The following FHIT variants were observed in gnomAD, a reference collection of about 807,000 sequenced individuals.
FHIT encodes fragile histidine triad diadenosine triphosphatase.
FHIT carries 19 observed loss-of-function variants against 17.9 expected under a neutral mutation model. The observed-to-expected ratio is 1.06, with a 90% CI of 0.74 to 1.56. The LOEUF (loss-of-function observed/expected upper bound fraction) is 1.56, where lower values mean the gene tolerates loss of function less well. Ranked by LOEUF, FHIT falls within the 40% of genes most tolerant of loss-of-function variation. FHIT has a pLI of 0.00. For missense variants in FHIT, 248 were observed against 189.2 expected (o/e 1.31, Z -1.82); for synonymous variants, 81 against 69.7 (o/e 1.16, Z -0.81).
At chr3:60,100,414 T>C (rs533935296) in intron 5 of FHIT, among the ~76,000 whole-genome samples, 3 of 152,240 alleles carry the variant, frequency 2.0e-5, no homozygotes, top group East Asian at 3.9e-4. Flanking sequence ...TTTGAAACCA[T>C]TAAATTCTTC....
intron 1 of FHIT, among the ~76,000 whole-genome samples, chr3:61,234,659 TA>T (rs1287067738): frequency 2.6e-5 from 4 of 152,346 alleles, no homozygotes; most frequent in South Asian, 4.1e-4. Flanking sequence ...AGTATTTCTA[TA>T]TTTTTTTAAA....
At chr3:59,879,986 G>A (rs113767131) in intron 8 of FHIT, among the ~76,000 whole-genome samples, 4 of 92,694 alleles carry the variant, frequency 4.3e-5, no homozygotes, top group Admixed American at 1.5e-4. Context: ...GAGAGAAGAG[G>A]AGAAGTCCAT....
intron 2 of FHIT, among the ~76,000 whole-genome samples, chr3:61,189,129 G>C (rs943557964): frequency 6.6e-6 from 1 of 152,200 alleles, no homozygotes; most frequent in African/African-American, 2.4e-5. Context: ...ATTAGGAAAA[G>C]AGGAAGTCAA....
chr3:60,881,091 G>T (rs1704954640), intron 3 of FHIT, among the ~76,000 whole-genome samples: 1 of 152,038 alleles, frequency 6.6e-6, no homozygotes, highest in Non-Finnish European at 1.5e-5. Flanking sequence ...TAAGAGCAAA[G>T]GAATAGAAAA....
chr3:60,510,329 A>C (rs1483855822), intron 5 of FHIT, among the ~76,000 whole-genome samples: 1 of 152,222 alleles, frequency 6.6e-6, no homozygotes, highest in Non-Finnish European at 1.5e-5. Flanking sequence ...AAGCCCAAAA[A>C]AGGCCAATTA....
chr3:60,377,262 G>A (rs957382131), intron 5 of FHIT, among the ~76,000 whole-genome samples: 12 of 150,346 alleles, frequency 8.0e-5, no homozygotes, highest in Admixed American at 2.7e-4. Flanking sequence ...GCAGTGGTGC[G>A]ATCTCGGCGA....
At chr3:60,581,713 G>A (rs2037754841) in intron 4 of FHIT, among the ~76,000 whole-genome samples, 1 of 151,916 alleles carries the variant, frequency 6.6e-6, no homozygotes, top group Non-Finnish European at 1.5e-5. Flanking sequence ...ATTTTTGACA[G>A]GTAAACTCAA....
intron 2 of FHIT, among the ~76,000 whole-genome samples, chr3:61,180,463 T>C (rs2038303809): frequency 6.6e-6 from 1 of 152,212 alleles, no homozygotes; most frequent in Non-Finnish European, 1.5e-5. Context: ...CAACGATAAA[T>C]TCAATAATAG....
chr3:60,253,489 T>C (rs1705830889), intron 5 of FHIT, among the ~76,000 whole-genome samples: 1 of 152,210 alleles, frequency 6.6e-6, no homozygotes, highest in South Asian at 2.1e-4. Context: ...CAAATGTCTA[T>C]AGATAGTCAA....
intron 5 of FHIT, among the ~76,000 whole-genome samples, chr3:60,470,811 T>A (rs1002105387): frequency 3.9e-5 from 6 of 152,172 alleles, no homozygotes; most frequent in Non-Finnish European, 7.4e-5. Context: ...CAGCTGGGAA[T>A]GTGCTGTTCA....
intron 1 of FHIT, among the ~76,000 whole-genome samples, chr3:61,239,116 A>G (rs1410685282): frequency 6.6e-6 from 1 of 152,178 alleles, no homozygotes; most frequent in Non-Finnish European, 1.5e-5. Flanking sequence ...GGGGAAAAAA[A>G]AAGTCTAGAA....
chr3:60,018,726 C>A (rs1341393407), intron 5 of FHIT, among the ~76,000 whole-genome samples: 1 of 152,160 alleles, frequency 6.6e-6, no homozygotes, highest in Non-Finnish European at 1.5e-5. Context: ...GCCTGTAATC[C>A]CAGCACTTTG....
intron 3 of FHIT, among the ~76,000 whole-genome samples, chr3:60,901,070 T>C (rs782366079): frequency 6.7e-5 from 10 of 149,184 alleles, no homozygotes; most frequent in Non-Finnish European, 1.2e-4. Context: ...ATTACCATGT[T>C]TGACATTCTC....
chr3:60,031,497 C>A (rs1477769549), intron 5 of FHIT, among the ~76,000 whole-genome samples: 1 of 152,160 alleles, frequency 6.6e-6, no homozygotes, highest in Non-Finnish European at 1.5e-5. Context: ...GATTCCAATT[C>A]CATTTTTGCC....
chr3:60,645,602 A>G (rs539069597), intron 4 of FHIT, among the ~76,000 whole-genome samples: 2 of 152,278 alleles, frequency 1.3e-5, no homozygotes, highest in South Asian at 4.1e-4. Flanking sequence ...TACAAAAGCC[A>G]TGGACCAGGA....
chr3:61,044,378 T>C (rs776570939), intron 2 of FHIT, among the ~76,000 whole-genome samples: 20 of 152,078 alleles, frequency 1.3e-4, no homozygotes, highest in Non-Finnish European at 2.6e-4. Flanking sequence ...GAAGAAAGGG[T>C]ATCACTGATT....
intron 3 of FHIT, among the ~76,000 whole-genome samples, chr3:60,944,286 C>T (rs1470400041): frequency 1.3e-5 from 2 of 151,972 alleles, no homozygotes; most frequent in African/African-American, 2.4e-5. Flanking sequence ...ATCTAAATGA[C>T]AACCTGATAA....
chr3:60,302,607 G>A (rs1708497501), intron 5 of FHIT, among the ~76,000 whole-genome samples: 1 of 152,096 alleles, frequency 6.6e-6, no homozygotes, highest in Admixed American at 6.6e-5. Context: ...ATTAGTATAA[G>A]CAACTACTTT....
intron 1 of FHIT, among the ~76,000 whole-genome samples, chr3:61,250,233 C>A (rs184794129): frequency 6.6e-6 from 1 of 152,346 alleles, no homozygotes; most frequent in African/African-American, 2.4e-5. Context: ...CTCCCAGAAG[C>A]CTCCGCGGCC....
Sources: allele counts gnomAD v4.1 joint callset (sites outside exome capture counted in the v4.1 genomes callset), GRCh38; gene constraint gnomAD v4.1.1; transcripts MANE v1.5; gene names NCBI Gene and HGNC (gene_info 2026-07-23, HGNC 2026-07-21).